KIF14: variants seen among roughly 807,000 people sequenced by gnomAD.
KIF14 encodes the protein kinesin-like protein KIF14.
A neutral mutation model predicts 176.2 loss-of-function variants in KIF14; 98 were observed. That is an observed-to-expected ratio of 0.56 (90% CI 0.47 to 0.66). The LOEUF (loss-of-function observed/expected upper bound fraction) is 0.66, where lower values mean the gene tolerates loss of function less well. Ranked by LOEUF, KIF14 falls within the 30% of genes least tolerant of loss-of-function variation. The pLI, the probability that KIF14 is intolerant of heterozygous loss-of-function variation, is 0.00. For synonymous variants in KIF14, 566 were observed against 632.2 expected, an observed-to-expected ratio of 0.90 and a Z score of 1.57; for missense variants, 1,751 against 1,920.4, an observed-to-expected ratio of 0.91 and a Z score of 1.65.
In KIF14 at chr1:200,608,669, C is replaced by T. The variant is rs545040211; in HGVS notation, c.1554+161G>A. Among the ~76,000 whole-genome samples, 3 of 152,180 alleles carry T rather than the reference C, an allele frequency of 2.0e-5. No homozygotes were observed. The East Asian group carries it at 5.8e-4, about 29-fold the overall frequency. ...TGAGCCACCATGCCCGGCCAGTGCT[C>T]TGCTTATTTTCTAAATAATCTAATT... On this transcript the variant is annotated intron_variant, in intron 5 of 29. Coordinates refer to ENST00000367350, the MANE Select transcript of KIF14 (RefSeq NM_014875.3).
chr1:200,568,236 C>T (rs562471468), intron 23 of KIF14, among the ~76,000 whole-genome samples: 1 of 152,100 alleles, frequency 6.6e-6, no homozygotes, highest in South Asian at 2.1e-4. Context: ...AAGCAAAGAC[C>T]TTTTCTATCT....
intron 14 of KIF14, among the ~76,000 whole-genome samples, chr1:200,596,165 A>T (rs906508956): frequency 6.6e-6 from 1 of 151,904 alleles, no homozygotes; most frequent in African/African-American, 2.4e-5. Flanking sequence ...GAAGCAGGAG[A>T]ATTGCTCGAC....
rs759885256 is a variant in KIF14 at position 200,554,527 on chromosome 1, AAT to A, written c.4506_4507del (p.Glu1502AspfsTer13). The A allele has an allele frequency of 1.3e-5, 20 of 1,554,596 alleles. No individual in the cohort carries two copies. In the Admixed American group the frequency reaches 2.9e-4, roughly 22 times the overall value. On this transcript the variant is annotated frameshift_variant, in exon 29 of 30. Coordinates refer to ENST00000367350, the MANE Select transcript of KIF14 (RefSeq NM_014875.3). LOFTEE classifies it high-confidence loss of function. ...CTCTAAGCAATGTTTTAACTTTAAGAATTCTGGAGCACGATTAACCATCCTCT... is the reference window on the plus strand; with the variant it reads ...CTCTAAGCAATGTTTTAACTTTAAGATCTGGAGCACGATTAACCATCCTCT...
At chr1:200,589,064 T>C (rs1179733362) in intron 18 of KIF14, among the ~76,000 whole-genome samples, 153 bp downstream of exon 18, 2 of 152,222 alleles carry the variant, frequency 1.3e-5, no homozygotes, top group African/African-American at 4.8e-5. Flanking sequence ...AGTACCAGGA[T>C]ATAAGCTTTC....
intron 12 of KIF14, 94 bp from the exon 13 acceptor site, chr1:200,600,207 T>C (rs539933925): frequency 1.7e-6 from 2 of 1,167,308 alleles, no homozygotes; most frequent in South Asian, 1.3e-5. Flanking sequence ...GGCAACTACC[T>C]AGTAATATTT....
chr1:200,555,429 G>A lies in KIF14; in HGVS notation c.4379C>T (p.Ala1460Val), dbSNP rs2102553824. 6.4e-7 allele frequency: 1 copy of A among 1,572,234 alleles called. No homozygotes were observed. The highest frequency in any genetic ancestry group is 8.6e-7 in the Non-Finnish European group (1 of 1,156,802). The stretch of plus-strand genomic sequence containing the variant: ...TTCAAGAGATCTAATCAATCCCATG[G>A]CATTAGTTTTCATTTCTTTGGTAAC... ...NEVTKEMKTN[A>V]MGLIRSLENI... The change falls in exon 28 of 30, where the codon GCC (alanine) becomes GTC (valine). Residue 1460 changes from alanine (A) to valine (V), a missense_variant. By Grantham distance (64) the Ala-to-Val change is moderately conservative (BLOSUM62 0). Coordinates refer to ENST00000367350, the MANE Select transcript of KIF14 (RefSeq NM_014875.3).
chr1:200,604,018 T>C (rs547516966), intron 8 of KIF14, 63 bp from the exon 9 acceptor site: 127 of 997,964 alleles, frequency 1.3e-4, no homozygotes, highest in Admixed American at 1.8e-4. Flanking sequence ...TAGGTTTTTT[T>C]AAAGGGAAAG....
intron 25 of KIF14, among the ~76,000 whole-genome samples, chr1:200,563,467 C>T (rs1657271966): frequency 6.6e-6 from 1 of 152,108 alleles, no homozygotes; most frequent in Non-Finnish European, 1.5e-5. Context: ...TGGGCTCAAG[C>T]AATCCTCCCA....
chr1:200,570,099 T>C (rs866693805), intron 22 of KIF14, 94 bp from the exon 23 acceptor site: 17 of 574,830 alleles, frequency 3.0e-5, no homozygotes, highest in South Asian at 7.9e-5. Context: ...AAATGGACAT[T>C]CATGTGTGTG....
In KIF14 at chr1:200,618,856, G is replaced by A; in HGVS notation, c.-115-18C>T. The A allele has an allele frequency of 1.4e-6, 1 of 691,546 alleles. No individual in the cohort carries two copies. The highest frequency in any genetic ancestry group is 2.3e-6 in the Non-Finnish European group (1 of 426,492). The allele number at this position is 691,546 out of a possible 1,614,324, so 42.8% of individuals were successfully genotyped here. A position where few individuals can be genotyped will look rare whatever the true frequency, so the allele number is the denominator to read the frequency against. On this transcript the variant is annotated intron_variant, in intron 1 of 29. Transcript: ENST00000367350. ...CTGCTAAACTAAAAGAAAAAAAAAA[G>A]ATTTAGATCACACAGACTACAAACA...
chr1:200,572,572 T>C (rs922425143), intron 22 of KIF14, among the ~76,000 whole-genome samples: 3 of 152,278 alleles, frequency 2.0e-5, no homozygotes, highest in East Asian at 1.9e-4. Flanking sequence ...CTCAATCTCC[T>C]GACCTTGTGA....
intron 22 of KIF14, 95 bp downstream of exon 22, chr1:200,575,496 G>T: frequency 1.8e-6 from 1 of 550,800 alleles, no homozygotes; most frequent in South Asian, 5.3e-5. Flanking sequence ...TTTTAAAATA[G>T]GAAATAATAT....
chr1:200,566,040 G>A (rs773119219), intron 23 of KIF14, among the ~76,000 whole-genome samples: 1 of 152,086 alleles, frequency 6.6e-6, no homozygotes, highest in African/African-American at 2.4e-5. Context: ...GCATATTATA[G>A]GATCACTGAT....
intron 22 of KIF14, among the ~76,000 whole-genome samples, chr1:200,570,923 C>T (rs1657749912): frequency 6.6e-6 from 1 of 152,132 alleles, no homozygotes; most frequent in African/African-American, 2.4e-5. Context: ...CCACCATCCT[C>T]AAATAGGCCC....
At chr1:200,605,065 T>C (rs576932754) in intron 8 of KIF14, among the ~76,000 whole-genome samples, 1 of 152,202 alleles carries the variant, frequency 6.6e-6, no homozygotes, top group Non-Finnish European at 1.5e-5. Context: ...TATATATTTA[T>C]ATGACTGTAC....
chr1:200,598,581 CAG>C (rs1558078964), intron 13 of KIF14, among the ~76,000 whole-genome samples, 160 bp from the exon 14 acceptor site: 1 of 151,996 alleles, frequency 6.6e-6, no homozygotes, highest in Admixed American at 6.6e-5. Flanking sequence ...TTTTTTGAGA[CAG>C]AGTCTCGCTG....
intron 9 of KIF14, among the ~76,000 whole-genome samples, chr1:200,603,593 C>T (rs571329031): frequency 1.5e-4 from 23 of 152,224 alleles, no homozygotes; most frequent in Non-Finnish European, 2.9e-4. Flanking sequence ...CAGACACATG[C>T]CACAATGCCT....
At chr1:200,576,023 T>C (rs1302954738) in intron 21 of KIF14, among the ~76,000 whole-genome samples, 2 of 152,208 alleles carry the variant, frequency 1.3e-5, no homozygotes, top group Non-Finnish European at 2.9e-5. Flanking sequence ...AGTTAAGATG[T>C]AGTCACTTCC....
At position 200,559,385 on chromosome 1, in the gene KIF14, A is replaced by C; in HGVS notation, c.4298T>G (p.Leu1433Arg). ...LGMKILLDSG[L>R]EKAKELQHEL... ...ATGCTGAAGTTCTTTTGCTTTTTCC[A>C]GTCCAGAATCTAATAAAATCTTCAT... The change falls in exon 27 of 30, where the codon CTG (leucine) becomes CGG (arginine). Residue 1433 changes from leucine to arginine, a missense_variant. Leu to Arg is a moderately radical substitution (Grantham distance 102). Coordinates refer to ENST00000367350, the MANE Select transcript of KIF14 (RefSeq NM_014875.3). The C allele has an allele frequency of 1.3e-6, 2 of 1,591,846 alleles. No individual in the cohort carries two copies. Among genetic ancestry groups the C allele is most frequent in the Non-Finnish European group, 1.7e-6 (2 of 1,168,470 alleles).
Sources: allele counts gnomAD v4.1 joint callset (sites outside exome capture counted in the v4.1 genomes callset), GRCh38; gene constraint gnomAD v4.1.1; transcripts MANE v1.5; gene names NCBI Gene and HGNC (gene_info 2026-07-23, HGNC 2026-07-21).